The following FN1 variants were observed in gnomAD, a reference collection of about 807,000 sequenced individuals.
FN1 encodes fibronectin.
FN1 carries 106 observed loss-of-function variants against 297.3 expected under a neutral mutation model. The observed-to-expected ratio is 0.36, with a 90% CI of 0.30 to 0.42. FN1 has a LOEUF of 0.42. Ranked by LOEUF, FN1 falls within the 10% of genes least tolerant of loss-of-function variation. The pLI is 1.00. For synonymous variants in FN1, 1,149 were observed against 1,152.6 expected, an observed-to-expected ratio of 1.00 and a Z score of 0.06; for missense variants, 2,690 against 3,124.9, an observed-to-expected ratio of 0.86 and a Z score of 3.32.
intron 42 of FN1, among the ~76,000 whole-genome samples, chr2:215,366,170 A>G (rs2054571593): frequency 6.6e-6 from 1 of 151,996 alleles, no homozygotes; most frequent in Admixed American, 6.6e-5. Context: ...ATCATTTACC[A>G]TTTTCTAGGG....
At chr2:215,385,597 A>G (rs889926050) in intron 28 of FN1, among the ~76,000 whole-genome samples, 2 of 151,594 alleles carry the variant, frequency 1.3e-5, no homozygotes, top group Admixed American at 6.6e-5. Context: ...TAATACAATG[A>G]ACACCTATAT....
chr2:215,428,314 C>T lies in FN1; in HGVS notation c.710G>A (p.Arg237Lys). Residue 237 changes from arginine to lysine, a missense_variant, in exon 6 of 46, where the codon AGG (arginine) becomes AAG (lysine). Arg to Lys is a conservative substitution (Grantham distance 26, BLOSUM62 2). Around this residue, in one of 3 missense-constraint regions of FN1, gnomAD observed 876 missense variants for 1,058.1 expected, o/e 0.83. Coordinates refer to ENST00000354785, the MANE Select transcript of FN1 (RefSeq NM_212482.4). The part of the protein sequence containing the change: ...SRNRCNDQDT[R>K]TSYRIGDTWS... ...GGTGTCTCCAATTCTATAGGATGTC[C>T]TTGTGTCCTGATCGTTGCATCTATC... 1 of 1,614,128 alleles carries T rather than the reference C, an allele frequency of 6.2e-7. No homozygotes were observed. Among genetic ancestry groups the T allele is most frequent in the Non-Finnish European group, 8.5e-7 (1 of 1,180,010 alleles).
intron 20 of FN1, among the ~76,000 whole-genome samples, chr2:215,400,780 G>C (rs373849143): frequency 8.5e-6 from 1 of 117,484 alleles, no homozygotes; most frequent in Non-Finnish European, 1.8e-5. Flanking sequence ...AAAAAAGAAA[G>C]AAAATAAAAT....
intron 13 of FN1, among the ~76,000 whole-genome samples, chr2:215,413,659 G>A (rs2063017839): frequency 6.6e-6 from 1 of 151,984 alleles, no homozygotes; most frequent in African/African-American, 2.4e-5. Flanking sequence ...CTCTATCAGG[G>A]GTCTGATTTG....
chr2:215,431,723 A>C (rs1305036718), intron 4 of FN1, 110 bp downstream of exon 4: 1 of 1,110,672 alleles, frequency 9.0e-7, no homozygotes, highest in Non-Finnish European at 1.4e-6. Flanking sequence ...CCATTTCTTT[A>C]TTGGTTTTCA....
intron 12 of FN1, among the ~76,000 whole-genome samples, chr2:215,418,938 T>C (rs2063808870): frequency 6.6e-6 from 1 of 152,212 alleles, no homozygotes; most frequent in African/African-American, 2.4e-5. Context: ...TGGTGGTTTT[T>C]ATTTCCATGT....
chr2:215,388,332 C>A, intron 26 of FN1, 31 bp from the exon 27 acceptor site: 1 of 1,509,856 alleles, frequency 6.6e-7, no homozygotes, highest in Non-Finnish European at 9.2e-7. Flanking sequence ...TATTTTAAAA[C>A]TCTGCTCAAA....
intron 6 of FN1, among the ~76,000 whole-genome samples, chr2:215,427,077 G>A (rs1056283615): frequency 1.3e-4 from 19 of 151,982 alleles, no homozygotes; most frequent in Non-Finnish European, 2.8e-4. Flanking sequence ...GGGTTTCACC[G>A]TGTTAGCCAG....
At chr2:215,400,136 C>T (rs2692223) in intron 20 of FN1, among the ~76,000 whole-genome samples, 85,378 of 151,378 alleles carry the variant, frequency 0.56, 24,590 homozygotes, top group East Asian at 0.93. Flanking sequence ...TGCAGTGAGC[C>T]GAGATCATGC....
chr2:215,416,260 T>C (rs1189175566), intron 12 of FN1, among the ~76,000 whole-genome samples: 1 of 152,148 alleles, frequency 6.6e-6, no homozygotes, highest in Non-Finnish European at 1.5e-5. Context: ...TTAATTCCAT[T>C]TAATGCACAT....
intron 23 of FN1, 77 bp from the exon 24 acceptor site, chr2:215,394,796 G>A (rs2060113553): frequency 2.7e-6 from 3 of 1,111,740 alleles, no homozygotes; most frequent in Non-Finnish European, 4.1e-6. Context: ...CTCCAATGAT[G>A]GATTCACAGG....
intron 17 of FN1, 43 bp downstream of exon 17, chr2:215,408,065 T>G (rs373898138): frequency 6.0e-6 from 9 of 1,494,186 alleles, no homozygotes; most frequent in Non-Finnish European, 6.5e-6. Flanking sequence ...GCTGATGTCA[T>G]TAAGATTAAC....
rs2061530083 is a variant in FN1 at position 215,404,553 on chromosome 2, G to A, written c.3089C>T (p.Thr1030Ile). The A allele has an allele frequency of 6.2e-7, 1 of 1,614,000 alleles. No individual in the cohort carries two copies. The highest frequency in any genetic ancestry group is 1.7e-5 in the Admixed American group (1 of 60,000). Residue 1030 changes from threonine (T) to isoleucine (I), a missense_variant, in exon 20 of 46, where the codon ACC (threonine) becomes ATC (isoleucine). Physicochemically the swap from Thr to Ile is moderately conservative, Grantham distance 89 (BLOSUM62 -1). This residue lies in a region of FN1 where 1,743 missense variants were observed against 1,945.2 expected (regional missense o/e 0.90). Coordinates refer to ENST00000354785, the MANE Select transcript of FN1 (RefSeq NM_212482.4). ...PRAQITGYRL[T>I]VGLTRRGQPR... Reference sequence around the variant, plus strand: ...CTGTCCTCTTCGGGTAAGGCCCACGGTCAGTCGGTATCCTGTTATCTGGGC... The same window carrying A: ...CTGTCCTCTTCGGGTAAGGCCCACGATCAGTCGGTATCCTGTTATCTGGGC...
chr2:215,431,238 T>A (rs1215995055), intron 4 of FN1, among the ~76,000 whole-genome samples: 1 of 152,050 alleles, frequency 6.6e-6, no homozygotes, highest in African/African-American at 2.4e-5. Flanking sequence ...CTAAATACAA[T>A]GACAAAGAAA....
intron 28 of FN1, among the ~76,000 whole-genome samples, chr2:215,386,076 CTTT>C (rs571159227): frequency 1.5e-4 from 16 of 109,428 alleles, no homozygotes; most frequent in African/African-American, 2.1e-4. Flanking sequence ...GCGCCTGGCC[CTTT>C]TTTTTTTTTT....
At chr2:215,389,091 CA>C (rs2059390030) in intron 26 of FN1, among the ~76,000 whole-genome samples, 1 of 151,884 alleles carries the variant, frequency 6.6e-6, no homozygotes, top group Non-Finnish European at 1.5e-5. Context: ...TATCTTGTTC[CA>C]TTTTTTTTTA....
intron 2 of FN1, 140 bp downstream of exon 2, chr2:215,434,555 AG>A: frequency 1.0e-6 from 1 of 986,884 alleles, no homozygotes; most frequent in South Asian, 1.4e-5. Flanking sequence ...AGCAAATATA[AG>A]CAGTTTTTAA....
intron 4 of FN1, among the ~76,000 whole-genome samples, chr2:215,431,079 G>A (rs764976373): frequency 2.0e-5 from 3 of 151,984 alleles, no homozygotes; most frequent in Non-Finnish European, 4.4e-5. Context: ...CTCCTAATAA[G>A]TACATGGACT....
At position 215,392,994 on chromosome 2, in the gene FN1, TATC is replaced by T. The variant is rs2059881072; in HGVS notation, c.4003_4005del (p.Asp1335del). On this transcript the variant is annotated inframe_deletion, in exon 25 of 46. Coordinates refer to ENST00000354785, the MANE Select transcript of FN1 (RefSeq NM_212482.4). ...CCATTAATGAGAGTGATAACGCTGA[TATC>T]ATAGTCAATGCCCGGCTCCAGCCCT... The T allele has an allele frequency of 6.2e-6, 10 of 1,613,730 alleles. No homozygotes were observed. The highest frequency in any genetic ancestry group is 1.7e-5 in the Admixed American group (1 of 59,986).
Sources: gnomAD v4.1 joint callset for allele counts (sites outside exome capture counted in the v4.1 genomes callset) on GRCh38, gnomAD v4.1.1 for gene constraint, gnomAD v4.1.1 regional missense constraint, MANE v1.5 for transcripts, NCBI Gene and HGNC (gene_info 2026-07-23, HGNC 2026-07-21) for gene names.